The following CEP68 variants were observed in gnomAD, a reference collection of about 807,000 sequenced individuals.
CEP68 encodes the protein centrosomal protein of 68 kDa.
In CEP68, 26 loss-of-function variants were observed where a neutral mutation model predicts 55.3. That is an observed-to-expected ratio of 0.47 (90% CI 0.34 to 0.65). CEP68 has a LOEUF of 0.65. Among genes scored for constraint, CEP68 ranks in the 30% least tolerant of loss-of-function variants. CEP68 has a pLI of 0.01. For missense variants in CEP68, 957 were observed against 946.7 expected (o/e 1.01, Z -0.14); for synonymous variants, 402 against 383.2 (o/e 1.05, Z -0.57).
chr2:65,074,412 G>A lies in CEP68; in HGVS notation c.2007+8G>A. 6.2e-7 allele frequency: 1 copy of A among 1,614,086 alleles called. No individual in the cohort carries two copies. Among genetic ancestry groups the A allele is most frequent in the Non-Finnish European group, 8.5e-7 (1 of 1,179,960 alleles). ...TCTCTGCAGCTTTACCGGGTAATAT[G>A]CGGTCCTGGCTCTGGCTTGTTCCCT... On this transcript the variant is annotated splice_region_variant and intron_variant, in intron 4 of 6. Transcript: ENST00000377990.
chr2:65,080,837 A>G (rs1192814318), intron 5 of CEP68, among the ~76,000 whole-genome samples: 5 of 152,110 alleles, frequency 3.3e-5, no homozygotes, highest in Non-Finnish European at 7.4e-5. Context: ...TAGATAAATA[A>G]AAGTTCAAAA....
Position 65,072,083 on chromosome 2 carries a change from G to T in CEP68, c.987G>T (p.Leu329=). 1 of 1,614,002 alleles carries T rather than the reference G, an allele frequency of 6.2e-7. No individual in the cohort carries two copies. The change falls in exon 3 of 7, where the codon CTG becomes CTT. Residue 329 remains leucine (L), a synonymous_variant. Transcript: ENST00000377990. The part of the protein sequence containing the change: ...LDSRVPADPV[L]QDSGVDLDSF... ...GCCGTGTGCCAGCTGACCCTGTCCT[G>T]CAGGACTCCGGGGTAGACCTGGATA...
chr2:65,070,463 T>A (rs1676406631), intron 2 of CEP68, among the ~76,000 whole-genome samples: 2 of 151,412 alleles, frequency 1.3e-5, no homozygotes, highest in African/African-American at 4.9e-5. Flanking sequence ...TTTTCTGTTC[T>A]GCTTGCCAAG....
intron 1 of CEP68, among the ~76,000 whole-genome samples, chr2:65,061,453 C>T (rs564308506): frequency 6.6e-6 from 1 of 152,264 alleles, no homozygotes; most frequent in South Asian, 2.1e-4. Flanking sequence ...AAAGAAGGGG[C>T]TCCCGGTGCC....
At chr2:65,067,270 G>A (rs756879999) in intron 1 of CEP68, among the ~76,000 whole-genome samples, 3 of 151,690 alleles carry the variant, frequency 2.0e-5, no homozygotes, top group Non-Finnish European at 4.4e-5. Flanking sequence ...GTCCCAGCTA[G>A]CCGGGAGGCT....
At chr2:65,068,839 AAAAAG>A (rs761036197) in intron 1 of CEP68, among the ~76,000 whole-genome samples, 21 of 152,232 alleles carry the variant, frequency 1.4e-4, no homozygotes, top group Non-Finnish European at 1.2e-4. Context: ...GAAAAAAGAA[AAAAAG>A]AAAAGAAAAG....
chr2:65,077,837 T>C (rs749130283), intron 4 of CEP68, 31 bp from the exon 5 acceptor site: 15 of 1,526,324 alleles, frequency 9.8e-6, no homozygotes, highest in Non-Finnish European at 1.4e-5. Context: ...TAACGAAGCT[T>C]CTGCCTTTTC....
At position 65,069,566 on chromosome 2, in the gene CEP68, A is replaced by G. The variant is rs199743446; in HGVS notation, c.122A>G (p.Gln41Arg). 38 of 1,612,760 alleles carry G rather than the reference A, an allele frequency of 2.4e-5. No homozygotes were observed. The African/African-American group carries it at 4.5e-4, about 19-fold the overall frequency. The change falls in exon 2 of 7, where the codon CAG (glutamine) becomes CGG (arginine). Residue 41 changes from glutamine to arginine, a missense_variant. Physicochemically the swap from Gln to Arg is conservative, Grantham distance 43. Transcript: ENST00000377990. The part of the protein sequence containing the change: ...LDIPGPMSGE[Q>R]PPRLEAEGGL... ...ATCCCAGGGCCCATGAGTGGGGAGC[A>G]GCCCCCACGCCTGGAAGCTGAGGGA...
At position 65,072,783 on chromosome 2, in the gene CEP68, G is replaced by A. The variant is rs370783857; in HGVS notation, c.1687G>A (p.Val563Ile). 16 of 1,614,010 alleles carry A rather than the reference G, an allele frequency of 9.9e-6. No individual in the cohort carries two copies. The highest frequency in any genetic ancestry group is 5.0e-5 in the Admixed American group (3 of 60,002). The change falls in exon 3 of 7, where the codon GTC becomes ATC. Residue 563 changes from valine to isoleucine, a missense_variant. Val to Ile is a conservative substitution (Grantham distance 29). Coordinates refer to ENST00000377990, the MANE Select transcript of CEP68 (RefSeq NM_015147.3). The part of the protein sequence containing the change: ...GQNPCFLRSF[V>I]RAHDSAGEGS... ...GAATCCCTGTTTCCTGCGCTCCTTC[G>A]TCCGTGCCCACGACTCCGCAGGGGA... is the stretch of plus-strand genomic sequence containing the variant.
At chr2:65,077,765 T>G in intron 4 of CEP68, 103 bp from the exon 5 acceptor site, 2 of 760,328 alleles carry the variant, frequency 2.6e-6, no homozygotes, top group Non-Finnish European at 4.3e-6. Context: ...ATCTTACACA[T>G]TAGAGGGGAA....
At chr2:65,067,894 A>G (rs1446171803) in intron 1 of CEP68, among the ~76,000 whole-genome samples, 1 of 152,144 alleles carries the variant, frequency 6.6e-6, no homozygotes, top group East Asian at 1.9e-4. Flanking sequence ...GGCATGCCCC[A>G]TCAGGCAGAG....
chr2:65,061,094 T>C (rs1335270697), intron 1 of CEP68, among the ~76,000 whole-genome samples: 1 of 151,996 alleles, frequency 6.6e-6, no homozygotes, highest in African/African-American at 2.4e-5. Context: ...GGAGAATTGC[T>C]TGAACCTGGG....
chr2:65,077,806 A>G (rs1052759617), intron 4 of CEP68, 62 bp from the exon 5 acceptor site: 4 of 1,300,092 alleles, frequency 3.1e-6, no homozygotes, highest in East Asian at 2.3e-5. Context: ...TGCTTTTCAA[A>G]TAACGTTTAC....
chr2:65,062,267 CT>C (rs1426099899), intron 1 of CEP68, among the ~76,000 whole-genome samples: 1 of 152,224 alleles, frequency 6.6e-6, no homozygotes, highest in Non-Finnish European at 1.5e-5. Flanking sequence ...GGTGCGGTGA[CT>C]CCCGCCTGTA....
intron 3 of CEP68, 93 bp downstream of exon 3, chr2:65,073,073 C>A: frequency 7.1e-7 from 1 of 1,407,720 alleles, no homozygotes; most frequent in Non-Finnish European, 1.0e-6. Flanking sequence ...TTCATGTTGA[C>A]CAGGCACTTT....
At chr2:65,076,845 A>G (rs1676785943) in intron 4 of CEP68, among the ~76,000 whole-genome samples, 2 of 152,098 alleles carry the variant, frequency 1.3e-5, no homozygotes, top group Non-Finnish European at 2.9e-5. Flanking sequence ...AGCCTGAGGC[A>G]GGTGGATCAC....
intron 1 of CEP68, among the ~76,000 whole-genome samples, chr2:65,063,965 T>C (rs979609894): frequency 2.0e-5 from 3 of 152,220 alleles, no homozygotes; most frequent in African/African-American, 7.2e-5. Flanking sequence ...TTGGTTCTCA[T>C]AATAAACTTG....
chr2:65,060,939 G>A (rs1312692395), intron 1 of CEP68, among the ~76,000 whole-genome samples: 1 of 152,214 alleles, frequency 6.6e-6, no homozygotes, highest in Non-Finnish European at 1.5e-5. Context: ...CACTTTGGGA[G>A]GCCGAGGCAG....
chr2:65,068,434 T>C (rs529511877), intron 1 of CEP68, among the ~76,000 whole-genome samples: 3 of 152,188 alleles, frequency 2.0e-5, no homozygotes, highest in Non-Finnish European at 4.4e-5. Flanking sequence ...TGTGCACACA[T>C]GCTGTGTTAC....
Sources: allele counts gnomAD v4.1 joint callset (sites outside exome capture counted in the v4.1 genomes callset), GRCh38; gene constraint gnomAD v4.1.1; transcripts MANE v1.5; gene names NCBI Gene and HGNC (gene_info 2026-07-23, HGNC 2026-07-21).